ARAP2: variants seen among roughly 807,000 people sequenced by gnomAD.
The protein encoded by ARAP2 is ArfGAP with RhoGAP domain, ankyrin repeat and PH domain 2.
ARAP2 carries 148 observed loss-of-function variants against 194.5 expected under a neutral mutation model. That is an observed-to-expected ratio of 0.76 (90% CI 0.67 to 0.87). The LOEUF (loss-of-function observed/expected upper bound fraction) is 0.87, where lower values mean the gene tolerates loss of function less well. Among genes scored for constraint, ARAP2 ranks in the 40% least tolerant of loss-of-function variants. The probability of loss-of-function intolerance (pLI) is 0.00; values close to 1 mark genes in which losing one functional copy is unlikely to be tolerated. For missense variants in ARAP2, 2,128 were observed against 1,989.7 expected (o/e 1.07, Z -1.32); for synonymous variants, 695 against 683.5 (o/e 1.02, Z -0.26).
chr4:36,238,063 G>A (rs1752763066), intron 1 of ARAP2, among the ~76,000 whole-genome samples: 2 of 152,130 alleles, frequency 1.3e-5, no homozygotes. Flanking sequence ...CTGGTTGTTT[G>A]GCATCTCTCT....
At chr4:36,154,500 G>GA (rs1177506270) in intron 15 of ARAP2, among the ~76,000 whole-genome samples, 2 of 151,812 alleles carry the variant, frequency 1.3e-5, no homozygotes, top group Admixed American at 6.6e-5. Context: ...GATATCAAGG[G>GA]AAAAAATATG....
At chr4:36,213,374 G>GT in intron 3 of ARAP2, 55 bp from the exon 4 acceptor site, 1 of 1,308,550 alleles carries the variant, frequency 7.6e-7, no homozygotes, top group Non-Finnish European at 1.1e-6. Flanking sequence ...GTGAAATACT[G>GT]TTTTTAAAAA....
At position 36,058,910 on chromosome 4, in the gene ARAP2, G is replaced by A. The variant is rs527294985; in HGVS notation, n.148-767C>T. Among the ~76,000 whole-genome samples the A allele has an allele frequency of 4.0e-4, 61 of 152,310 alleles. 1 individual carries two copies. Among genetic ancestry groups the A allele is most frequent in the Middle Eastern group, 6.8e-3 (2 of 294 alleles). ...ATGATGATGCCACTTCATATGGCAT[G>A]ATCAGAGATTGTCTGCCTGGCAAGG... is the stretch of plus-strand genomic sequence containing the variant. On this transcript the variant is annotated intron_variant and non_coding_transcript_variant, in intron 1 of 12. Transcript: ENST00000503225.
At chr4:36,096,776 C>A (rs545349601) in intron 27 of ARAP2, among the ~76,000 whole-genome samples, 4 of 152,128 alleles carry the variant, frequency 2.6e-5, no homozygotes, top group Admixed American at 2.6e-4. Context: ...TCTTAATATT[C>A]AATTCCACAG....
In ARAP2 at chr4:36,118,987, C is replaced by A. The variant is rs956374852; in HGVS notation, c.3963+663G>T. On this transcript the variant is annotated intron_variant, in intron 24 of 32. Coordinates refer to ENST00000303965, the MANE Select transcript of ARAP2 (RefSeq NM_015230.4). ...ATCTGTAAACAGAGCACATCTGATC[C>A]ATTTCTATCATTTATATTGGTACCC... is the stretch of plus-strand genomic sequence containing the variant. Among the ~76,000 whole-genome samples, 19 of 151,366 alleles carry A rather than the reference C, an allele frequency of 1.3e-4. No individual in the cohort carries two copies. In the East Asian group the frequency reaches 3.5e-3, roughly 28 times the overall value.
At chr4:36,149,925 T>G (rs929002470) in intron 16 of ARAP2, among the ~76,000 whole-genome samples, 2 of 152,254 alleles carry the variant, frequency 1.3e-5, no homozygotes, top group African/African-American at 4.8e-5. Flanking sequence ...AAATCTATGC[T>G]CCTATAAAAC....
chr4:36,240,988 T>C (rs1468837329), intron 1 of ARAP2, among the ~76,000 whole-genome samples: 1 of 152,186 alleles, frequency 6.6e-6, no homozygotes, highest in Non-Finnish European at 1.5e-5. Flanking sequence ...CCTTAGCTTC[T>C]GTAAGTCTTT....
chr4:36,163,777 A>C (rs1161201349), intron 11 of ARAP2, among the ~76,000 whole-genome samples: 1 of 152,220 alleles, frequency 6.6e-6, no homozygotes, highest in African/African-American at 2.4e-5. Flanking sequence ...AAAGGTAGAA[A>C]AAAACAGCTG....
chr4:36,217,193 T>C (rs1748122613), intron 2 of ARAP2, among the ~76,000 whole-genome samples: 1 of 152,208 alleles, frequency 6.6e-6, no homozygotes, highest in Non-Finnish European at 1.5e-5. Context: ...TATATATTTT[T>C]TGACCTCAAA....
intron 9 of ARAP2, among the ~76,000 whole-genome samples, chr4:36,007,480 A>G (rs1458774274): frequency 6.6e-6 from 1 of 152,244 alleles, no homozygotes; most frequent in Non-Finnish European, 1.5e-5. Flanking sequence ...AATTGTTTGA[A>G]GCTACCAGAA....
At chr4:36,164,458 G>C (rs1258490364) in intron 11 of ARAP2, among the ~76,000 whole-genome samples, 2 of 152,134 alleles carry the variant, frequency 1.3e-5, no homozygotes, top group Non-Finnish European at 2.9e-5. Flanking sequence ...CAATAGTCTT[G>C]TGAAATGCTT....
At chr4:36,134,844 C>T (rs891514835) in intron 19 of ARAP2, among the ~76,000 whole-genome samples, 1 of 151,576 alleles carries the variant, frequency 6.6e-6, no homozygotes. Flanking sequence ...CCAGGTAAAA[C>T]TCCTTAACAC....
chr4:36,041,512 C>G (rs1720862216), intron 5 of ARAP2, among the ~76,000 whole-genome samples: 1 of 152,046 alleles, frequency 6.6e-6, no homozygotes, highest in African/African-American at 2.4e-5. Flanking sequence ...ATGGCTATTA[C>G]TAAAAAGTCA....
intron 31 of ARAP2, among the ~76,000 whole-genome samples, chr4:36,078,458 C>A (rs142038732): frequency 6.6e-6 from 1 of 152,170 alleles, no homozygotes; most frequent in African/African-American, 2.4e-5. Context: ...ACTGTTAATT[C>A]GCATACGTGT....
At chr4:36,207,808 C>G (rs2109257388) in intron 6 of ARAP2, among the ~76,000 whole-genome samples, 1 of 152,074 alleles carries the variant, frequency 6.6e-6, no homozygotes, top group Admixed American at 6.5e-5. Flanking sequence ...GTTCACTACC[C>G]TGTTAATGTT....
At chr4:36,090,733 G>T (rs997657145) in intron 28 of ARAP2, among the ~76,000 whole-genome samples, 3 of 152,026 alleles carry the variant, frequency 2.0e-5, no homozygotes, top group African/African-American at 7.2e-5. Context: ...CACATAGAGG[G>T]GAACAACACC....
intron 5 of ARAP2, among the ~76,000 whole-genome samples, chr4:36,038,541 A>G (rs1720316606): frequency 6.6e-6 from 1 of 152,206 alleles, no homozygotes. Flanking sequence ...AGTTATTTAT[A>G]TTTTACTGTC....
At position 36,107,596 on chromosome 4, in the gene ARAP2, G is replaced by A. The variant is rs756965449; in HGVS notation, c.4254C>T (p.Phe1418=). 6.2e-6 allele frequency: 10 copies of A among 1,610,462 alleles called. No individual in the cohort carries two copies. The highest frequency in any genetic ancestry group is 4.2e-6 in the Non-Finnish European group (5 of 1,177,954). The stretch of plus-strand genomic sequence containing the variant: ...AGTGTTTAATTGTGTCAGCGGTTAA[G>A]AATCTCTTCACCACCAGGTAAGCAG... ...PGSAYLVVKR[F]LTADTIKHCS... Residue 1418 remains phenylalanine, a synonymous_variant, in exon 27 of 33, where the codon TTC becomes TTT. Coordinates refer to ENST00000303965, the MANE Select transcript of ARAP2 (RefSeq NM_015230.4).
At chr4:36,156,358 G>GGAGGGAGA (rs1732349572) in intron 15 of ARAP2, among the ~76,000 whole-genome samples, 1 of 52,300 alleles carries the variant, frequency 1.9e-5, no homozygotes. Flanking sequence ...AGAGAGAGAG[G>GGAGGGAGA]GAGGGAGGGA....
Sources: gnomAD v4.1 joint callset for allele counts (sites outside exome capture counted in the v4.1 genomes callset) on GRCh38, gnomAD v4.1.1 for gene constraint, MANE v1.5 for transcripts, NCBI Gene and HGNC (gene_info 2026-07-23, HGNC 2026-07-21) for gene names.